Variants in LHFPL3 observed in about 807,000 individuals in gnomAD.
LHFPL3 encodes the protein LHFPL tetraspan subfamily member 3 protein.
Under a neutral mutation model 19.3 loss-of-function variants are expected in LHFPL3, and 5 were observed. That is an observed-to-expected ratio of 0.26 (90% confidence interval 0.14 to 0.54). The LOEUF (loss-of-function observed/expected upper bound fraction) is 0.54. Among genes scored for constraint, LHFPL3 ranks in the 20% least tolerant of loss-of-function variants. The pLI, the probability that LHFPL3 is intolerant of heterozygous loss-of-function variation, is 0.94. For synonymous variants in LHFPL3, 133 were observed against 126.2 expected (o/e 1.05, Z -0.36); for missense variants, 249 against 307.4 (o/e 0.81, Z 1.42).
At chr7:104,464,166 T>C (rs1262829086) in intron 1 of LHFPL3, among the ~76,000 whole-genome samples, 2 of 152,338 alleles carry the variant, frequency 1.3e-5, no homozygotes, top group East Asian at 3.9e-4. Flanking sequence ...TATTAAACCT[T>C]AAAGTTCTAA....
At chr7:104,834,399 C>T (rs1010793348) in intron 2 of LHFPL3, among the ~76,000 whole-genome samples, 1 of 151,992 alleles carries the variant, frequency 6.6e-6, no homozygotes, top group Non-Finnish European at 1.5e-5. Context: ...CATGCTCCTC[C>T]TGAATCCTCA....
intron 2 of LHFPL3, among the ~76,000 whole-genome samples, chr7:104,794,496 G>A (rs1238297855): frequency 2.6e-5 from 4 of 152,244 alleles, no homozygotes; most frequent in East Asian, 3.9e-4. Flanking sequence ...CTGTCAGTGT[G>A]AGCCCTACTT....
intron 1 of LHFPL3, among the ~76,000 whole-genome samples, chr7:104,531,413 A>T (rs1794291307): frequency 6.6e-6 from 1 of 152,200 alleles, no homozygotes; most frequent in Non-Finnish European, 1.5e-5. Flanking sequence ...TGGGAGGGGT[A>T]AACTTCTGCT....
chr7:104,474,947 G>A (rs925596367), intron 1 of LHFPL3, among the ~76,000 whole-genome samples: 15 of 152,282 alleles, frequency 9.9e-5, no homozygotes, highest in Admixed American at 7.8e-4. Flanking sequence ...GAAGCACTGG[G>A]TATGGTGAAA....
intron 1 of LHFPL3, among the ~76,000 whole-genome samples, chr7:104,656,930 A>T (rs1792131814): frequency 1.3e-5 from 2 of 152,136 alleles, no homozygotes; most frequent in Admixed American, 1.3e-4. Context: ...CTGTTTTCTG[A>T]ACTTTTGGTT....
intron 1 of LHFPL3, among the ~76,000 whole-genome samples, chr7:104,712,368 TC>T (rs1163414403): frequency 1.3e-5 from 2 of 152,194 alleles, no homozygotes; most frequent in African/African-American, 4.8e-5. Flanking sequence ...CCAACAGCTG[TC>T]TTTTTGTTGT....
At chr7:104,561,910 T>G (rs934878271) in intron 1 of LHFPL3, among the ~76,000 whole-genome samples, 11 of 152,150 alleles carry the variant, frequency 7.2e-5, no homozygotes, top group African/African-American at 2.4e-4. Context: ...TTTGCTTGTC[T>G]GTAAAGGATT....
chr7:104,558,703 T>G (rs1442314661), intron 1 of LHFPL3, among the ~76,000 whole-genome samples: 1 of 150,870 alleles, frequency 6.6e-6, no homozygotes, highest in Non-Finnish European at 1.5e-5. Flanking sequence ...ATTTGTTAAT[T>G]TTGGCTTTTG....
chr7:104,906,460 A>C lies in LHFPL3; in HGVS notation c.*245A>C. ...TTAAACACCAGCTCATTGGAAACTCATTGGATGAGATCAGAAAACGTTCAT... is the reference window on the plus strand; with the variant it reads ...TTAAACACCAGCTCATTGGAAACTCCTTGGATGAGATCAGAAAACGTTCAT... On this transcript the variant is annotated 3_prime_UTR_variant, in exon 3 of 3. Transcript: ENST00000424859. The C allele has an allele frequency of 2.0e-6, 1 of 510,402 alleles. No individual in the cohort carries two copies. Among genetic ancestry groups the C allele is most frequent in the Non-Finnish European group, 3.4e-6 (1 of 290,364 alleles). The allele number at this position is 510,402 out of a possible 1,614,324, so 31.6% of individuals were successfully genotyped here. A position where few individuals can be genotyped will look rare whatever the true frequency, so the allele number is the denominator to read the frequency against.
At chr7:104,615,219 A>T (rs1791310196) in intron 1 of LHFPL3, among the ~76,000 whole-genome samples, 1 of 152,244 alleles carries the variant, frequency 6.6e-6, no homozygotes, top group African/African-American at 2.4e-5. Flanking sequence ...TACCTTCTTC[A>T]GATTTACAAA....
intron 2 of LHFPL3, among the ~76,000 whole-genome samples, chr7:104,777,017 G>C (rs1202855303): frequency 6.6e-6 from 1 of 152,176 alleles, no homozygotes; most frequent in Non-Finnish European, 1.5e-5. Flanking sequence ...GTGTCATCTG[G>C]AGGGCACAGT....
rs532466688 is a variant in LHFPL3, at chr7:104,682,771, A to C, written c.446-53904A>C. ...GGATTTGATCGTGTCATGTGTGTTC[A>C]CATTAATTTTAATATGCAACCATTT... On this transcript the variant is annotated intron_variant, in intron 1 of 2. Coordinates refer to ENST00000424859, the MANE Select transcript of LHFPL3 (RefSeq NM_199000.3). Among the ~76,000 whole-genome samples, 3 of 152,348 alleles carry C rather than the reference A, an allele frequency of 2.0e-5. No homozygotes were observed. The East Asian group carries it at 5.8e-4, about 29-fold the overall frequency.
intron 2 of LHFPL3, among the ~76,000 whole-genome samples, chr7:104,852,727 T>C (rs1791435165): frequency 6.6e-6 from 1 of 152,238 alleles, no homozygotes; most frequent in Non-Finnish European, 1.5e-5. Flanking sequence ...ACATTGTTAA[T>C]AGTCGTATCT....
In LHFPL3 at chr7:104,331,811, G is replaced by T. The variant is rs188947464; in HGVS notation, c.445+2587G>T. On this transcript the variant is annotated intron_variant, in intron 1 of 2. Coordinates refer to ENST00000424859, the MANE Select transcript of LHFPL3 (RefSeq NM_199000.3). ...CTAAAAATACAAAAATTAGCCAGGC[G>T]TGGTGGTGGGTGCCTGTAATCCCAG... 7.6e-4 allele frequency among the ~76,000 whole-genome samples: 115 copies of T among 152,062 alleles called. 1 individual carries two copies. The highest frequency in any genetic ancestry group is 2.6e-3 in the African/African-American group (109 of 41,470).
At chr7:104,734,170 C>T (rs558002523) in intron 1 of LHFPL3, among the ~76,000 whole-genome samples, 1 of 152,116 alleles carries the variant, frequency 6.6e-6, no homozygotes, top group African/African-American at 2.4e-5. Flanking sequence ...TTCATTTCAA[C>T]TTTGGTGACT....
intron 2 of LHFPL3, among the ~76,000 whole-genome samples, chr7:104,855,654 C>T (rs1370516284): frequency 1.3e-5 from 2 of 149,712 alleles, no homozygotes; most frequent in South Asian, 2.1e-4. Flanking sequence ...GTCGGAGCCT[C>T]GCTCTGTCAC....
intron 2 of LHFPL3, among the ~76,000 whole-genome samples, chr7:104,811,166 C>CTTTTCTTTTCT (rs112135860): frequency 0.055 from 989 of 18,052 alleles, 14 homozygotes; most frequent in Middle Eastern, 0.091. Context: ...TTCTTTCTTT[C>CTTTTCTTTTCT]TTTCTTTTCT....
intron 2 of LHFPL3, among the ~76,000 whole-genome samples, chr7:104,786,922 C>T (rs945822948): frequency 5.9e-5 from 9 of 152,036 alleles, no homozygotes; most frequent in Admixed American, 1.3e-4. Context: ...TGTTAAGAAC[C>T]GACAATTCTA....
chr7:104,712,262 G>T (rs574403036), intron 1 of LHFPL3, among the ~76,000 whole-genome samples: 4 of 152,322 alleles, frequency 2.6e-5, no homozygotes, highest in South Asian at 2.1e-4. Flanking sequence ...TGGCTTAGAT[G>T]ATGGAAATTT....
Sources: gnomAD v4.1 joint callset for allele counts (sites outside exome capture counted in the v4.1 genomes callset) on GRCh38, gnomAD v4.1.1 for gene constraint, MANE v1.5 for transcripts, NCBI Gene and HGNC (gene_info 2026-07-23, HGNC 2026-07-21) for gene names.